Variants in NXPH2 observed in about 807,000 individuals in gnomAD.
NXPH2 encodes neurexophilin-2.
Under a neutral mutation model 19.8 loss-of-function variants are expected in NXPH2, and 5 were observed. The observed-to-expected ratio is 0.25, with a 90% CI of 0.13 to 0.53. The LOEUF (loss-of-function observed/expected upper bound fraction) is 0.53, where lower values mean the gene tolerates loss of function less well. NXPH2 is among the 20% of genes least tolerant of loss of function. The probability of loss-of-function intolerance (pLI) is 0.96; values close to 1 mark genes in which losing one functional copy is unlikely to be tolerated. For synonymous variants in NXPH2, 154 were observed against 127.4 expected (o/e 1.21, Z -1.41); for missense variants, 289 against 322.8 (o/e 0.90, Z 0.80).
At chr2:138,714,129 T>C (rs914800009) in intron 1 of NXPH2, among the ~76,000 whole-genome samples, 2 of 152,186 alleles carry the variant, frequency 1.3e-5, no homozygotes, top group Non-Finnish European at 2.9e-5. Context: ...TATTGGTTAT[T>C]TCAGTTCTCA....
At chr2:138,692,128 A>T (rs1680756079) in intron 1 of NXPH2, among the ~76,000 whole-genome samples, 1 of 152,188 alleles carries the variant, frequency 6.6e-6, no homozygotes, top group Non-Finnish European at 1.5e-5. Flanking sequence ...TAGCCTGCAG[A>T]GTTCAGCTCT....
At chr2:138,732,509 A>T (rs1264519197) in intron 1 of NXPH2, among the ~76,000 whole-genome samples, 1 of 152,136 alleles carries the variant, frequency 6.6e-6, no homozygotes. Context: ...TGGGCTGTGC[A>T]CTTCCTTCCA....
At chr2:138,752,684 G>A (rs1195020914) in intron 1 of NXPH2, among the ~76,000 whole-genome samples, 6 of 151,984 alleles carry the variant, frequency 3.9e-5, no homozygotes, top group African/African-American at 4.8e-5. Flanking sequence ...TTCCTGTTCC[G>A]GGATCCCATC....
At chr2:138,678,075 A>G (rs551638785) in intron 1 of NXPH2, among the ~76,000 whole-genome samples, 1 of 152,328 alleles carries the variant, frequency 6.6e-6, no homozygotes, top group Admixed American at 6.5e-5. Flanking sequence ...AAATTTGGTC[A>G]TCACCAATCC....
chr2:138,703,464 C>A (rs1028081564), intron 1 of NXPH2, among the ~76,000 whole-genome samples: 3 of 152,166 alleles, frequency 2.0e-5, no homozygotes, highest in Non-Finnish European at 2.9e-5. Context: ...AGAGGTGCCA[C>A]AGTAAACTAT....
intron 1 of NXPH2, among the ~76,000 whole-genome samples, chr2:138,716,753 T>C (rs189715210): frequency 6.6e-6 from 1 of 152,200 alleles, no homozygotes; most frequent in East Asian, 1.9e-4. Context: ...CATGACACAG[T>C]GGAAAAAATA....
intron 1 of NXPH2, among the ~76,000 whole-genome samples, chr2:138,680,578 T>C (rs1321952295): frequency 6.6e-6 from 1 of 152,170 alleles, no homozygotes; most frequent in Non-Finnish European, 1.5e-5. Context: ...ATAGTTCTCA[T>C]AAGGTCCCAT....
chr2:138,676,834 G>T (rs1204776239), intron 1 of NXPH2, among the ~76,000 whole-genome samples: 1 of 152,150 alleles, frequency 6.6e-6, no homozygotes, highest in Non-Finnish European at 1.5e-5. Context: ...ATAAATTAAT[G>T]ACCAAGTAGA....
chr2:138,755,827 AG>A (rs1681898232), intron 1 of NXPH2, among the ~76,000 whole-genome samples: 3 of 151,976 alleles, frequency 2.0e-5, no homozygotes, highest in African/African-American at 7.2e-5. Context: ...CCATTTATTT[AG>A]ATTTTTTTTT....
chr2:138,759,266 A>G (rs1036134983), intron 1 of NXPH2, among the ~76,000 whole-genome samples: 1 of 152,178 alleles, frequency 6.6e-6, no homozygotes, highest in African/African-American at 2.4e-5. Flanking sequence ...AAAAGCTTAC[A>G]ACAGTGGCTT....
At chr2:138,678,329 C>T (rs1191883933) in intron 1 of NXPH2, among the ~76,000 whole-genome samples, 1 of 152,170 alleles carries the variant, frequency 6.6e-6, no homozygotes, top group Non-Finnish European at 1.5e-5. Flanking sequence ...CAACTTGTCA[C>T]TGTGACGTGC....
intron 1 of NXPH2, among the ~76,000 whole-genome samples, chr2:138,727,966 C>G (rs2104997758): frequency 6.6e-6 from 1 of 152,284 alleles, no homozygotes; most frequent in East Asian, 1.9e-4. Flanking sequence ...CCAATCCTGG[C>G]TCCAGTATTT....
chr2:138,725,948 C>A (rs1681350803), intron 1 of NXPH2, among the ~76,000 whole-genome samples: 3 of 152,144 alleles, frequency 2.0e-5, no homozygotes, highest in Admixed American at 2.0e-4. Context: ...AATTCCTTGA[C>A]TATATCTGGA....
chr2:138,744,688 C>T (rs1156418442), intron 1 of NXPH2, among the ~76,000 whole-genome samples: 1 of 152,166 alleles, frequency 6.6e-6, no homozygotes, highest in Admixed American at 6.5e-5. Flanking sequence ...CCTGCTTGAA[C>T]ATGCTTCCCA....
At chr2:138,731,457 G>A (rs1246983381) in intron 1 of NXPH2, among the ~76,000 whole-genome samples, 2 of 152,160 alleles carry the variant, frequency 1.3e-5, no homozygotes, top group Non-Finnish European at 2.9e-5. Flanking sequence ...GAAGAACATA[G>A]TGGCAACTCA....
At chr2:138,753,050 G>A (rs1386063944) in intron 1 of NXPH2, among the ~76,000 whole-genome samples, 2 of 152,070 alleles carry the variant, frequency 1.3e-5, no homozygotes, top group African/African-American at 2.4e-5. Context: ...GTATTGTCTC[G>A]AAGGAAGTTA....
chr2:138,738,214 A>G (rs1168105584), intron 1 of NXPH2, among the ~76,000 whole-genome samples: 2 of 152,280 alleles, frequency 1.3e-5, no homozygotes, highest in Non-Finnish European at 2.9e-5. Flanking sequence ...GTTTAAATTA[A>G]GATTTGAGTT....
chr2:138,752,801 T>C (rs1413020078), intron 1 of NXPH2, among the ~76,000 whole-genome samples: 1 of 152,132 alleles, frequency 6.6e-6, no homozygotes, highest in Non-Finnish European at 1.5e-5. Flanking sequence ...TGAGGAATGC[T>C]GGTCAGGTTT....
chr2:138,716,967 A>T (rs1285241310), intron 1 of NXPH2, among the ~76,000 whole-genome samples: 1 of 152,200 alleles, frequency 6.6e-6, no homozygotes, highest in Non-Finnish European at 1.5e-5. Context: ...TCTTGCAGGT[A>T]TAACTGCACA....
Sources: gnomAD v4.1 joint callset for allele counts (sites outside exome capture counted in the v4.1 genomes callset) on GRCh38, gnomAD v4.1.1 for gene constraint, MANE v1.5 for transcripts, NCBI Gene and HGNC (gene_info 2026-07-23, HGNC 2026-07-21) for gene names.